Variants in ADCY7 observed in about 807,000 individuals in gnomAD.
ADCY7 encodes the protein adenylate cyclase 7.
A neutral mutation model predicts 120.6 loss-of-function variants in ADCY7; 72 were observed. The ratio of observed to expected loss-of-function variants is 0.60; its 90% confidence interval spans 0.49 to 0.73. ADCY7 has a LOEUF of 0.73. ADCY7 is among the 30% of genes least tolerant of loss of function. ADCY7 has a pLI of 0.00. For synonymous variants in ADCY7, 661 were observed against 628.0 expected (o/e 1.05, Z -0.78); for missense variants, 1,227 against 1,486.0 (o/e 0.83, Z 2.87).
Position 50,300,818 on chromosome 16 carries a change from G to C in ADCY7, c.1180G>C (p.Val394Leu), listed in dbSNP as rs763219848. 6.4e-7 allele frequency: 1 copy of C among 1,557,222 alleles called. No homozygotes were observed. The change falls in exon 9 of 26, where the codon GTG becomes CTG. Residue 394 changes from valine (V) to leucine (L), a missense_variant. By Grantham distance (32) the Val-to-Leu change is conservative. This residue lies in a region of ADCY7 where 332 missense variants were observed against 455.8 expected (regional missense o/e 0.73). Transcript: ENST00000673801. The stretch of plus-strand genomic sequence containing the variant: ...CGGGCTGCGCAAGTGGCAGTATGAC[G>C]TGTGGTCCCACGACGTGTCCCTGGC... ...VIGLRKWQYD[V>L]WSHDVSLANR...
upstream of ADCY7, among the ~76,000 whole-genome samples, chr16:50,263,277 C>T (rs980135515): frequency 2.0e-5 from 3 of 152,030 alleles, no homozygotes; most frequent in Admixed American, 2.0e-4. Flanking sequence ...GTGCTCAGAT[C>T]CTGCCTGCCG....
intron 1 of ADCY7, among the ~76,000 whole-genome samples, chr16:50,278,874 C>CT (rs869067221): frequency 1.3e-5 from 1 of 79,668 alleles, no homozygotes; most frequent in African/African-American, 4.2e-5. Flanking sequence ...CTCTCTCTCT[C>CT]TTTTTTTTTT....
In ADCY7 at chr16:50,247,751, T is replaced by C. The variant is rs974406479; in HGVS notation, c.-64+1548T>C. On this transcript the variant is annotated intron_variant, in intron 1 of 4. Transcript: ENST00000564044. The stretch of plus-strand genomic sequence containing the variant: ...CTTTTCCATCTGAAGCAGTCTTCTG[T>C]GGCTGGGAGCCTGGCTTCGCAGGAC... Among the ~76,000 whole-genome samples the C allele has an allele frequency of 2.6e-5, 4 of 152,120 alleles. No individual in the cohort carries two copies. In the East Asian group the frequency reaches 7.7e-4, roughly 29 times the overall value.
Position 50,311,806 on chromosome 16 carries a change from C to CAT in ADCY7, c.2448+20_2448+21insAT. 1 of 1,327,064 alleles carries CAT rather than the reference C, an allele frequency of 7.5e-7. No individual in the cohort carries two copies. Among genetic ancestry groups the CAT allele is most frequent in the South Asian group, 1.3e-5 (1 of 74,396 alleles). The allele number at this position is 1,327,064 out of a possible 1,614,324, so 82.2% of individuals were successfully genotyped here. Reference sequence around the variant, plus strand: ...AGACAGGTAAGGAGGCTGGCCCCCCCCCCCCCCCCAAGCTCTGCCCACTTT... The same window carrying CAT: ...AGACAGGTAAGGAGGCTGGCCCCCCCATCCCCCCCCCAAGCTCTGCCCACTTT... On this transcript the variant is annotated intron_variant, in intron 20 of 25. Transcript: ENST00000673801.
chr16:50,310,368 G>C, intron 18 of ADCY7: 1 of 1,203,476 alleles, frequency 8.3e-7, no homozygotes. Context: ...TCCTTTGGGA[G>C]GGTAAGCTCA....
chr16:50,265,807 G>A (rs979234948), upstream of ADCY7, among the ~76,000 whole-genome samples: 42 of 152,338 alleles, frequency 2.8e-4, no homozygotes, highest in African/African-American at 9.6e-4. Flanking sequence ...GCGGGCTGGA[G>A]GCCTCCCCCT....
chr16:50,288,697 C>T (rs141262594), intron 2 of ADCY7, among the ~76,000 whole-genome samples: 2,014 of 152,052 alleles, frequency 0.013, 47 homozygotes, highest in African/African-American at 0.045. Flanking sequence ...AGGCTGGTCT[C>T]GAACTCCCAA....
intron 1 of ADCY7, among the ~76,000 whole-genome samples, chr16:50,259,373 G>A (rs1457711575): frequency 1.3e-5 from 2 of 152,238 alleles, no homozygotes; most frequent in African/African-American, 4.8e-5. Flanking sequence ...ACACTGGGCC[G>A]GGTGCAGGGA....
intron 1 of ADCY7, among the ~76,000 whole-genome samples, chr16:50,273,316 T>C (rs1224406325): frequency 6.6e-6 from 1 of 152,242 alleles, no homozygotes; most frequent in East Asian, 1.9e-4. Flanking sequence ...GGCCTGCTGT[T>C]GGATCTCAGA....
chr16:50,290,076 C>T (rs555126006), intron 2 of ADCY7, among the ~76,000 whole-genome samples: 1 of 152,366 alleles, frequency 6.6e-6, no homozygotes. Context: ...GAGGGCCAGG[C>T]GCAGTGTCCT....
Position 50,304,375 on chromosome 16 carries a change from C to T in ADCY7, c.1384C>T (p.Pro462Ser). The T allele has an allele frequency of 1.3e-6, 2 of 1,538,928 alleles. No homozygotes were observed. The highest frequency in any genetic ancestry group is 2.3e-5 in the East Asian group (1 of 43,432). The stretch of plus-strand genomic sequence containing the variant: ...CTGCCCGCAGAGCCAGCAGCCACCC[C>T]CGCCCAGCCAACACCTCCCCAGGCC... ...VIDPRSQQPP[P>S]PSQHLPRPKG... The change falls in exon 11 of 26, where the codon CCG becomes TCG. Residue 462 changes from proline to serine, a missense_variant. By Grantham distance (74) the Pro-to-Ser change is moderately conservative. Transcript: ENST00000673801.
Position 50,305,022 on chromosome 16 carries a change from G to A in ADCY7, c.1595+63G>A. Reference sequence around the variant, plus strand: ...CCACCTCCTCCAAGCAGGCTGCCCTGAGCAGCCTCTGTCCAGTGGGCAGCT... The same window carrying A: ...CCACCTCCTCCAAGCAGGCTGCCCTAAGCAGCCTCTGTCCAGTGGGCAGCT... On this transcript the variant is annotated intron_variant, in intron 12 of 25. Transcript: ENST00000673801. 4 of 1,601,976 alleles carry A rather than the reference G, an allele frequency of 2.5e-6. No homozygotes were observed. In the Admixed American group the frequency reaches 6.7e-5, roughly 27 times the overall value.
Position 50,314,407 on chromosome 16 carries a change from G to A in ADCY7, c.2971+1G>A. On this transcript the variant is annotated splice_donor_variant, in intron 24 of 25. Transcript: ENST00000673801. LOFTEE classifies it high-confidence loss of function. ...TTCAACTCCTTCCGCCTCCGCGTCG[G>A]TGAGCCCGGGTGATGGAGCGGGGTG... 6.2e-7 allele frequency: 1 copy of A among 1,612,426 alleles called. No homozygotes were observed. The highest frequency in any genetic ancestry group is 1.1e-5 in the South Asian group (1 of 91,036).
chr16:50,313,696 T>C, intron 22 of ADCY7: 1 of 421,184 alleles, frequency 2.4e-6, no homozygotes. Flanking sequence ...GTGTAGATAA[T>C]GCTGTGTTTG....
chr16:50,302,608 C>T (rs547307484), intron 10 of ADCY7, among the ~76,000 whole-genome samples: 5 of 139,976 alleles, frequency 3.6e-5, no homozygotes, highest in Admixed American at 7.1e-5. Context: ...CATTTATCCA[C>T]GCAGTTGAAA....
chr16:50,288,786 G>C (rs1567551375), intron 2 of ADCY7, among the ~76,000 whole-genome samples: 1 of 152,068 alleles, frequency 6.6e-6, no homozygotes, highest in South Asian at 2.1e-4. Flanking sequence ...CCAATGCTCT[G>C]TCTTTTACAG....
intron 3 of ADCY7, 115 bp from the exon 4 acceptor site, chr16:50,291,621 G>C: frequency 8.1e-7 from 1 of 1,235,452 alleles, no homozygotes; most frequent in Non-Finnish European, 1.2e-6. Flanking sequence ...AGGGGGTGGC[G>C]AGGGAGCCAA....
intron 1 of ADCY7, among the ~76,000 whole-genome samples, chr16:50,287,171 A>G (rs1275507362): frequency 6.6e-6 from 1 of 151,612 alleles, no homozygotes; most frequent in Non-Finnish European, 1.5e-5. Flanking sequence ...ACACGTCACC[A>G]TGTCCGGCTA....
At chr16:50,294,027 C>T (rs1164802632) in intron 6 of ADCY7, among the ~76,000 whole-genome samples, 1 of 152,146 alleles carries the variant, frequency 6.6e-6, no homozygotes, top group Non-Finnish European at 1.5e-5. Flanking sequence ...GGGTCCTCTG[C>T]CTGCAGCGCC....
Sources: allele counts gnomAD v4.1 joint callset (sites outside exome capture counted in the v4.1 genomes callset), GRCh38; gene constraint gnomAD v4.1.1; regional missense constraint gnomAD v4.1.1; transcripts MANE v1.5; gene names NCBI Gene and HGNC (gene_info 2026-07-23, HGNC 2026-07-21).